The following ACOXL variants were observed in gnomAD, a reference collection of about 807,000 sequenced individuals.
The protein encoded by ACOXL is acyl-CoA oxidase like, also known as acyl-coenzyme A oxidase-like protein.
Under a neutral mutation model 71.9 loss-of-function variants are expected in ACOXL, and 70 were observed. The ratio of observed to expected loss-of-function variants is 0.97; its 90% CI spans 0.80 to 1.19. The LOEUF is 1.19. Among genes scored for constraint, ACOXL ranks in the 50% most tolerant of loss-of-function variants. The pLI, the probability that ACOXL is intolerant of heterozygous loss-of-function variation, is 0.00. For synonymous variants in ACOXL, 253 were observed against 281.6 expected, an observed-to-expected ratio of 0.90 and a Z score of 1.02; for missense variants, 703 against 736.3, an observed-to-expected ratio of 0.95 and a Z score of 0.52.
chr2:110,812,652 G>A (rs1687478231), intron 9 of ACOXL, among the ~76,000 whole-genome samples: 1 of 152,218 alleles, frequency 6.6e-6, no homozygotes, highest in South Asian at 2.1e-4. Flanking sequence ...TACATCTACT[G>A]CCCTTTTCCT....
At chr2:110,899,290 G>T (rs553064945) in intron 10 of ACOXL, among the ~76,000 whole-genome samples, 7 of 152,324 alleles carry the variant, frequency 4.6e-5, no homozygotes, top group Non-Finnish European at 1.0e-4. Context: ...ACTCTGAAGT[G>T]CATTTGATTA....
chr2:110,760,081 G>A (rs1680190210), intron 1 of ACOXL, among the ~76,000 whole-genome samples: 2 of 150,768 alleles, frequency 1.3e-5, no homozygotes, highest in Admixed American at 1.3e-4. Flanking sequence ...GTAGTTGTTA[G>A]TTGATTGTCT....
chr2:110,915,854 A>G (rs1288491564), intron 11 of ACOXL, among the ~76,000 whole-genome samples: 3 of 152,022 alleles, frequency 2.0e-5, no homozygotes, highest in East Asian at 1.9e-4. Context: ...GAAGATTTTG[A>G]TATCAGTGTT....
chr2:110,941,673 A>C (rs1416993409), intron 12 of ACOXL, among the ~76,000 whole-genome samples: 1 of 152,172 alleles, frequency 6.6e-6, no homozygotes, highest in East Asian at 1.9e-4. Context: ...GCATCTTTAA[A>C]GTACTAAAAG....
At chr2:111,047,678 A>T (rs3789070) in intron 15 of ACOXL, among the ~76,000 whole-genome samples, 13,318 of 152,258 alleles carry the variant, frequency 0.087, 736 homozygotes, top group East Asian at 0.18. Context: ...CCCTTATCTC[A>T]ATGTACAAGT....
At chr2:111,073,802 T>G (rs988323012) in intron 16 of ACOXL, among the ~76,000 whole-genome samples, 1 of 152,180 alleles carries the variant, frequency 6.6e-6, no homozygotes, top group Non-Finnish European at 1.5e-5. Flanking sequence ...GAAAATTCAT[T>G]GGTGATTTTG....
At chr2:110,851,632 C>T (rs1404825389) in intron 10 of ACOXL, among the ~76,000 whole-genome samples, 2 of 152,276 alleles carry the variant, frequency 1.3e-5, no homozygotes, top group Non-Finnish European at 1.5e-5. Context: ...TGGTGCAGCC[C>T]GAGGCACCAC....
intron 10 of ACOXL, among the ~76,000 whole-genome samples, chr2:110,889,679 C>G (rs1349916802): frequency 2.0e-5 from 3 of 152,128 alleles, no homozygotes; most frequent in Admixed American, 2.0e-4. Context: ...AATTTCATTT[C>G]TTTTTATATT....
intron 1 of ACOXL, among the ~76,000 whole-genome samples, chr2:110,756,844 C>T (rs773543179): frequency 6.6e-6 from 1 of 152,086 alleles, no homozygotes; most frequent in Non-Finnish European, 1.5e-5. Context: ...AAGGCCTTAT[C>T]ACACATCTTT....
At chr2:111,114,562 A>ATAT (rs2070209392) in intron 17 of ACOXL, among the ~76,000 whole-genome samples, 1 of 152,174 alleles carries the variant, frequency 6.6e-6, no homozygotes, top group Admixed American at 6.5e-5. Flanking sequence ...TGCTGAGAAC[A>ATAT]GGGGTGAGAC....
At chr2:110,933,891 C>A (rs3761710) in intron 12 of ACOXL, among the ~76,000 whole-genome samples, 41,634 of 152,106 alleles carry the variant, frequency 0.27, 6,605 homozygotes, top group Non-Finnish European at 0.35. Flanking sequence ...CATGAAACTT[C>A]GTGGGGCAAA....
At chr2:111,087,084 T>C (rs919722053) in intron 16 of ACOXL, among the ~76,000 whole-genome samples, 1 of 151,952 alleles carries the variant, frequency 6.6e-6, no homozygotes, top group Non-Finnish European at 1.5e-5. Flanking sequence ...TACCTAGAAA[T>C]ACAAATAACC....
chr2:110,910,365 C>A (rs2059611042), intron 11 of ACOXL, among the ~76,000 whole-genome samples: 1 of 152,184 alleles, frequency 6.6e-6, no homozygotes, highest in Non-Finnish European at 1.5e-5. Flanking sequence ...ATTAGTTTAT[C>A]TCTTCTACTG....
chr2:111,009,007 A>G (rs2064007041), intron 14 of ACOXL, among the ~76,000 whole-genome samples: 2 of 152,168 alleles, frequency 1.3e-5, no homozygotes, highest in African/African-American at 4.8e-5. Context: ...CTTTTGTCAT[A>G]TTGAAAAAAT....
At chr2:110,952,467 C>T (rs985207282) in intron 12 of ACOXL, among the ~76,000 whole-genome samples, 2 of 152,080 alleles carry the variant, frequency 1.3e-5, no homozygotes, top group Non-Finnish European at 2.9e-5. Flanking sequence ...ATCTTTATTA[C>T]TTCTTTTCTT....
At chr2:110,860,798 A>C (rs943656215) in intron 10 of ACOXL, among the ~76,000 whole-genome samples, 1 of 152,142 alleles carries the variant, frequency 6.6e-6, no homozygotes, top group African/African-American at 2.4e-5. Context: ...GTAGAAGAGC[A>C]CTCAGGAAGT....
intron 14 of ACOXL, among the ~76,000 whole-genome samples, chr2:111,010,699 A>C (rs1329157371): frequency 6.6e-6 from 1 of 152,180 alleles, no homozygotes; most frequent in Non-Finnish European, 1.5e-5. Context: ...GTTAGAAGAG[A>C]ACAAAGAACA....
At chr2:110,997,358 T>A (rs139873562) in intron 14 of ACOXL, among the ~76,000 whole-genome samples, 1 of 151,888 alleles carries the variant, frequency 6.6e-6, no homozygotes, top group Admixed American at 6.5e-5. Context: ...AAAAAAAGAC[T>A]TATACTTAGA....
chr2:111,056,761 C>T (rs2066560581), intron 16 of ACOXL, among the ~76,000 whole-genome samples: 1 of 137,934 alleles, frequency 7.2e-6, no homozygotes, highest in Non-Finnish European at 1.5e-5. Context: ...GCACTTCAGC[C>T]TGGGTGACAG....
Sources: allele counts gnomAD v4.1 joint callset (sites outside exome capture counted in the v4.1 genomes callset), GRCh38; gene constraint gnomAD v4.1.1; transcripts MANE v1.5; gene names NCBI Gene and HGNC (gene_info 2026-07-23, HGNC 2026-07-21).